DACH1: variants seen among roughly 807,000 people sequenced by gnomAD.
DACH1 encodes dachshund homolog 1.
DACH1 carries 12 observed loss-of-function variants against 54.2 expected under a neutral mutation model. The ratio of observed to expected loss-of-function variants is 0.22; its 90% confidence interval spans 0.14 to 0.36. The LOEUF (loss-of-function observed/expected upper bound fraction) is 0.36, where lower values mean the gene tolerates loss of function less well. Ranked by LOEUF, DACH1 falls within the 10% of genes least tolerant of loss-of-function variation. The pLI is 1.00. For missense variants in DACH1, 805 were observed against 929.8 expected, an observed-to-expected ratio of 0.87 and a Z score of 1.75; for synonymous variants, 386 against 366.2, an observed-to-expected ratio of 1.05 and a Z score of -0.62.
intron 6 of DACH1, among the ~76,000 whole-genome samples, chr13:71,545,932 G>T (rs1883437785): frequency 6.6e-6 from 1 of 152,042 alleles, no homozygotes; most frequent in South Asian, 2.1e-4. Flanking sequence ...AGAGAGGCAT[G>T]CAGTAATTCC....
chr13:71,680,799 C>T (rs969012102), intron 2 of DACH1, among the ~76,000 whole-genome samples: 8 of 152,016 alleles, frequency 5.3e-5, no homozygotes, highest in South Asian at 2.1e-4. Context: ...TCATTGATGT[C>T]AAGAAACTTC....
In DACH1 at chr13:71,832,317, A is replaced by G. The variant is rs148417569; in HGVS notation, c.848+33605T>C. 1.4e-4 allele frequency among the ~76,000 whole-genome samples: 22 copies of G among 152,054 alleles called. No homozygotes were observed. The East Asian group carries it at 2.9e-3, about 20-fold the overall frequency. On this transcript the variant is annotated intron_variant, in intron 1 of 10. Transcript: ENST00000613252. ...AATAAAGCAACAATTCATGGTAAAAATGAGAGTATTGTTCTCCCCAATAGC... is the reference window on the plus strand; with the variant it reads ...AATAAAGCAACAATTCATGGTAAAAGTGAGAGTATTGTTCTCCCCAATAGC...
intron 10 of DACH1, among the ~76,000 whole-genome samples, chr13:71,468,058 G>T (rs1309629991): frequency 6.6e-6 from 1 of 152,136 alleles, no homozygotes; most frequent in East Asian, 1.9e-4. Context: ...TTTAAATATG[G>T]AAAACGTGGT....
intron 1 of DACH1, among the ~76,000 whole-genome samples, chr13:71,846,603 T>A (rs1451599373): frequency 2.0e-5 from 3 of 152,214 alleles, no homozygotes; most frequent in Admixed American, 1.3e-4. Context: ...TCACTCGGCC[T>A]GAGCGACAAG....
chr13:71,710,869 G>C (rs1882690661), intron 1 of DACH1, among the ~76,000 whole-genome samples: 1 of 152,080 alleles, frequency 6.6e-6, no homozygotes, highest in Admixed American at 6.6e-5. Context: ...TTCCCTTTTG[G>C]AAGACACTTA....
chr13:71,795,472 G>C (rs1395691459), intron 1 of DACH1, among the ~76,000 whole-genome samples: 1 of 152,064 alleles, frequency 6.6e-6, no homozygotes, highest in Non-Finnish European at 1.5e-5. Context: ...TCTCTTCGAG[G>C]GAGGGCTGGT....
chr13:71,807,294 T>A (rs1887539534), intron 1 of DACH1, among the ~76,000 whole-genome samples: 2 of 152,074 alleles, frequency 1.3e-5, no homozygotes, highest in South Asian at 4.1e-4. Context: ...CTAATATATT[T>A]ATAGTTCAGT....
At chr13:71,573,676 G>A in intron 3 of DACH1, 2 of 447,390 alleles carry the variant, frequency 4.5e-6, no homozygotes, top group East Asian at 3.5e-5. Context: ...ATTTGGAGTT[G>A]GAAAACTGAT....
At chr13:71,763,043 A>G (rs1255767248) in intron 1 of DACH1, among the ~76,000 whole-genome samples, 1 of 152,176 alleles carries the variant, frequency 6.6e-6, no homozygotes, top group Non-Finnish European at 1.5e-5. Flanking sequence ...TTTGACTGGT[A>G]TCTTAACACT....
chr13:71,583,032 CTA>C (rs1872957858), intron 3 of DACH1, among the ~76,000 whole-genome samples: 1 of 152,116 alleles, frequency 6.6e-6, no homozygotes, highest in Non-Finnish European at 1.5e-5. Flanking sequence ...GGGTTAAAAA[CTA>C]TGTTTCTAAA....
At chr13:71,698,085 C>A (rs968725544) in intron 1 of DACH1, among the ~76,000 whole-genome samples, 2 of 151,926 alleles carry the variant, frequency 1.3e-5, no homozygotes, top group African/African-American at 4.8e-5. Flanking sequence ...ATGTAAAAGA[C>A]GGATAATTAT....
intron 1 of DACH1, among the ~76,000 whole-genome samples, chr13:71,775,007 G>A (rs1032730178): frequency 3.3e-5 from 5 of 151,870 alleles, no homozygotes; most frequent in African/African-American, 1.2e-4. Flanking sequence ...TCCCCTAGCA[G>A]GGCATAGTGG....
At chr13:71,555,829 C>T (rs1453789424) in intron 6 of DACH1, among the ~76,000 whole-genome samples, 5 of 151,880 alleles carry the variant, frequency 3.3e-5, no homozygotes, top group African/African-American at 1.2e-4. Context: ...CATTCGAATG[C>T]CTAATATAAA....
At chr13:71,733,317 A>G (rs1883835373) in intron 1 of DACH1, among the ~76,000 whole-genome samples, 2 of 151,980 alleles carry the variant, frequency 1.3e-5, no homozygotes, top group African/African-American at 2.4e-5. Context: ...GTGCGCCACT[A>G]TGCCTGGCCA....
chr13:71,776,952 T>C (rs1036092240), intron 1 of DACH1, among the ~76,000 whole-genome samples: 2 of 152,136 alleles, frequency 1.3e-5, no homozygotes, highest in Non-Finnish European at 2.9e-5. Flanking sequence ...CAGAAGCCTC[T>C]TGACCTCCAA....
chr13:71,696,714 A>G (rs1566439670), intron 1 of DACH1, among the ~76,000 whole-genome samples: 1 of 151,814 alleles, frequency 6.6e-6, no homozygotes, highest in Admixed American at 6.6e-5. Context: ...CACCCGACTA[A>G]TTTTGTGTTT....
chr13:71,621,120 A>T (rs1239182383), intron 3 of DACH1, among the ~76,000 whole-genome samples: 1 of 152,016 alleles, frequency 6.6e-6, no homozygotes, highest in African/African-American at 2.4e-5. Context: ...AACTGGACAC[A>T]CAAACACACA....
chr13:71,813,948 C>G (rs927030119), intron 1 of DACH1, among the ~76,000 whole-genome samples: 6 of 152,048 alleles, frequency 3.9e-5, no homozygotes, highest in Non-Finnish European at 8.8e-5. Context: ...GACGTTAAGC[C>G]CTCAAGCCAA....
chr13:71,573,037 CATTGCTCTGGAGGACATAAAT>C (rs1885314598), intron 3 of DACH1, 25 bp from the exon 4 acceptor site: 9 of 1,606,376 alleles, frequency 5.6e-6, no homozygotes, highest in Non-Finnish European at 7.7e-6. Context: ...CATATATCAT[CATTGCTCTGGAGGACATAAAT>C]CATTAAAAAT....
Sources: gnomAD v4.1 joint callset for allele counts (sites outside exome capture counted in the v4.1 genomes callset) on GRCh38, gnomAD v4.1.1 for gene constraint, MANE v1.5 for transcripts, NCBI Gene and HGNC (gene_info 2026-07-23, HGNC 2026-07-21) for gene names.